TMEM175: variants seen among roughly 807,000 people sequenced by gnomAD.
TMEM175 encodes transmembrane protein 175.
A neutral mutation model predicts 36.5 loss-of-function variants in TMEM175; 36 were observed. The ratio of observed to expected loss-of-function variants is 0.99; its 90% CI spans 0.76 to 1.30. TMEM175 has a LOEUF of 1.30. Among genes scored for constraint, TMEM175 ranks in the 50% most tolerant of loss-of-function variants. The pLI is 0.00. For missense variants in TMEM175, 705 were observed against 692.8 expected (o/e 1.02, Z -0.20); for synonymous variants, 339 against 313.4 (o/e 1.08, Z -0.86).
In TMEM175 at chr4:947,780, CG is replaced by C. The variant is rs1728364872; in HGVS notation, c.46del (p.Asp16ThrfsTer36). The C allele has an allele frequency of 6.2e-7, 1 of 1,612,542 alleles. No individual in the cohort carries two copies. Among genetic ancestry groups the C allele is most frequent in the African/African-American group, 1.3e-5 (1 of 74,918 alleles). On this transcript the variant is annotated frameshift_variant, in exon 2 of 11. Coordinates refer to ENST00000264771, the MANE Select transcript of TMEM175 (RefSeq NM_032326.4). LOFTEE classifies it high-confidence loss of function. ...PRTPEQALDT[P>X]GDCPPGRRDE... is the part of the protein sequence containing the mutation. ...ACCCCAGAGCAGGCACTGGATACAC[CG>C]GGGGACTGCCCCCCAGGCAGGAGAG...
At position 957,860 on chromosome 4, in the gene TMEM175, G is replaced by GA. The variant is rs1271385946; in HGVS notation, c.880dup (p.Arg294LysfsTer79). On this transcript the variant is annotated frameshift_variant, in exon 11 of 11. Transcript: ENST00000264771. LOFTEE classifies it low-confidence loss of function (END_TRUNC). Reference sequence around the variant, plus strand: ...TCCCGGACCCCAAGGATGTGAAGGAGAGGTTCAGCGGCAGCCTCGTGGCCG... The same window carrying GA: ...TCCCGGACCCCAAGGATGTGAAGGAGAAGGTTCAGCGGCAGCCTCGTGGCCG... The GA allele has an allele frequency of 2.5e-6, 4 of 1,612,390 alleles. No individual in the cohort carries two copies. Among genetic ancestry groups the GA allele is most frequent in the Non-Finnish European group, 3.4e-6 (4 of 1,179,706 alleles).
chr4:950,344 CT>C lies in TMEM175; in HGVS notation c.193-76del, dbSNP rs755406240. On this transcript the variant is annotated intron_variant, in intron 3 of 10. Coordinates refer to ENST00000264771, the MANE Select transcript of TMEM175 (RefSeq NM_032326.4). ...TGCCCTGGGCCGAGGCCAGCCCCCC[CT>C]CACGGTGCTGTCTCGACTGCCATTC... 7.8e-4 allele frequency: 968 copies of C among 1,234,186 alleles called. 1 individual carries two copies. The highest frequency in any genetic ancestry group is 1.0e-3 in the Non-Finnish European group (844 of 841,856). The allele number at this position is 1,234,186 out of a possible 1,614,324, so 76.5% of individuals were successfully genotyped here. A position where few individuals can be genotyped will look rare whatever the true frequency, so the allele number is the denominator to read the frequency against.
Position 955,452 on chromosome 4 carries a change from G to C in TMEM175, c.675G>C (p.Lys225Asn). 2.5e-6 allele frequency: 4 copies of C among 1,614,176 alleles called. No homozygotes were observed. Among genetic ancestry groups the C allele is most frequent in the Non-Finnish European group, 3.4e-6 (4 of 1,180,018 alleles). ...VTVILLPYVS[K>N]VTGWCRDRLL... is the part of the protein sequence containing the mutation. ...TCATCCTCCTCCCCTATGTCAGCAAGGTCACCGGCTGGTGCAGAGACAGGC... is the reference window on the plus strand; with the variant it reads ...TCATCCTCCTCCCCTATGTCAGCAACGTCACCGGCTGGTGCAGAGACAGGC... The change falls in exon 9 of 11, where the codon AAG becomes AAC. Residue 225 changes from lysine to asparagine, a missense_variant. Lys to Asn is a moderately conservative substitution (Grantham distance 94). Transcript: ENST00000264771.
Position 953,370 on chromosome 4 carries a change from GC to G in TMEM175, c.627+19del. 2.5e-6 allele frequency: 4 copies of G among 1,587,174 alleles called. No individual in the cohort carries two copies. Among genetic ancestry groups the G allele is most frequent in the Non-Finnish European group, 3.4e-6 (4 of 1,165,026 alleles). On this transcript the variant is annotated intron_variant, in intron 8 of 10. Coordinates refer to ENST00000264771, the MANE Select transcript of TMEM175 (RefSeq NM_032326.4). Reference sequence around the variant, plus strand: ...TGTCCCCTTGGTGAGTGCTGGGACAGCCCGTGGGGCCCAGGCAGGAACGGGG... The same window carrying G: ...TGTCCCCTTGGTGAGTGCTGGGACAGCCGTGGGGCCCAGGCAGGAACGGGG...
chr4:943,206 G>A (rs1362698674), intron 1 of TMEM175, among the ~76,000 whole-genome samples: 1 of 152,086 alleles, frequency 6.6e-6, no homozygotes, highest in Non-Finnish European at 1.5e-5. Context: ...ACCCCTACAC[G>A]AGTACTAGAA....
At chr4:933,113 T>C (rs1029524915) in intron 1 of TMEM175, among the ~76,000 whole-genome samples, 1 of 152,198 alleles carries the variant, frequency 6.6e-6, no homozygotes, top group Admixed American at 6.5e-5. Context: ...CCTTATAGGA[T>C]AATAAGGAAA....
At chr4:949,127 A>C (rs1728553173) in intron 3 of TMEM175, among the ~76,000 whole-genome samples, 1 of 151,972 alleles carries the variant, frequency 6.6e-6, no homozygotes. Flanking sequence ...GGCCAAATGC[A>C]GTCGTGAGGT....
At chr4:935,132 G>A (rs1726648772) in intron 1 of TMEM175, among the ~76,000 whole-genome samples, 1 of 152,208 alleles carries the variant, frequency 6.6e-6, no homozygotes, top group Admixed American at 6.5e-5. Flanking sequence ...ACTTATACTG[G>A]CATGACCTGG....
chr4:955,520 G>A (rs1293736002), intron 9 of TMEM175, 37 bp downstream of exon 9: 4 of 1,591,590 alleles, frequency 2.5e-6, no homozygotes, highest in Non-Finnish European at 3.4e-6. Flanking sequence ...TGAGAGGCCT[G>A]TAGTCCGCCC....
rs187633990 is a variant in TMEM175, at chr4:956,695, C to T, written c.842+805C>T. ...CTGACCTCAGGTGATCTGCCCACCT[C>T]GGCCTCCCAAAGTGCTGGGATTACA... On this transcript the variant is annotated intron_variant, in intron 10 of 10. Transcript: ENST00000264771. 2.8e-3 allele frequency: 972 copies of T among 344,780 alleles called. 6 individuals are homozygous for T. The highest frequency in any genetic ancestry group is 3.0e-3 in the Non-Finnish European group (528 of 178,112). 21.4% of individuals were successfully genotyped at this position (344,780 alleles called of 1,614,324 possible).
In TMEM175 at chr4:953,459, A is replaced by G. The variant is rs900472061; in HGVS notation, c.627+105A>G. 2 of 1,368,622 alleles carry G rather than the reference A, an allele frequency of 1.5e-6. 1 individual carries two copies. The highest frequency in any genetic ancestry group is 4.3e-4 in the Middle Eastern group (2 of 4,636). The allele number at this position is 1,368,622 out of a possible 1,614,324, so 84.8% of individuals were successfully genotyped here. Reference sequence around the variant, plus strand: ...ACGGGGGTGGGGGCAGAGCGCAGACAGGCAGGGGTTCCACCCAGGGTCTTG... The same window carrying G: ...ACGGGGGTGGGGGCAGAGCGCAGACGGGCAGGGGTTCCACCCAGGGTCTTG... On this transcript the variant is annotated intron_variant, in intron 8 of 10. Transcript: ENST00000264771.
chr4:940,294 C>CA (rs1421683416), intron 1 of TMEM175, among the ~76,000 whole-genome samples: 9 of 151,754 alleles, frequency 5.9e-5, no homozygotes, highest in African/African-American at 1.9e-4. Context: ...ACTAAAAATA[C>CA]AAAATTAGCT....
intron 1 of TMEM175, among the ~76,000 whole-genome samples, chr4:943,798 A>G (rs1727808442): frequency 6.6e-6 from 1 of 152,238 alleles, no homozygotes; most frequent in African/African-American, 2.4e-5. Context: ...GGCTTTATTC[A>G]TAATTGTGCA....
Position 932,558 on chromosome 4 carries a change from T to A in TMEM175, c.-32+18T>A. The A allele has an allele frequency of 4.5e-6, 2 of 443,558 alleles. No homozygotes were observed. The highest frequency in any genetic ancestry group is 4.4e-5 in the Admixed American group (1 of 22,554). The allele number at this position is 443,558 out of a possible 1,614,324, so 27.5% of individuals were successfully genotyped here. On this transcript the variant is annotated intron_variant, in intron 1 of 10. Transcript: ENST00000264771. This position sits in a 1 kb window ranked among gnomAD's most constrained non-coding sequence, Gnocchi z 4.0. ...CCGCCCAGGTAGTTCAGCGCCCCAG[T>A]CCAGCTCCCGGTACCGTTCCCCACA...
intron 10 of TMEM175, chr4:956,443 G>GTTTTTTT: frequency 2.5e-6 from 3 of 1,210,882 alleles, no homozygotes; most frequent in Non-Finnish European, 1.1e-6. Flanking sequence ...TTTTTGTGGG[G>GTTTTTTT]TTTTTTTTTT....
At chr4:948,567 C>T in intron 3 of TMEM175, 3 of 1,326,230 alleles carry the variant, frequency 2.3e-6, no homozygotes, top group Non-Finnish European at 3.0e-6. Flanking sequence ...GGCCAGCGCC[C>T]CGTCTCAGCG....
chr4:949,743 G>A (rs1194776810), intron 3 of TMEM175, among the ~76,000 whole-genome samples: 4 of 152,130 alleles, frequency 2.6e-5, no homozygotes, highest in East Asian at 3.9e-4. Flanking sequence ...GTGCCTCCAC[G>A]CCCACCGCGG....
At chr4:956,103 A>AGAG (rs1729594307) in intron 10 of TMEM175, among the ~76,000 whole-genome samples, 12 of 151,058 alleles carry the variant, frequency 7.9e-5, no homozygotes, top group African/African-American at 2.7e-4. Context: ...CTCCCTTCCC[A>AGAG]GCGGCTCCCA....
rs189820203 is a variant in TMEM175, at chr4:939,402, G to A, written c.-32+6862G>A. Among the ~76,000 whole-genome samples, 243 of 152,106 alleles carry A rather than the reference G, an allele frequency of 1.6e-3. 2 individuals are homozygous for A. Among genetic ancestry groups the A allele is most frequent in the Admixed American group, 0.011 (170 of 15,280 alleles). On this transcript the variant is annotated intron_variant, in intron 1 of 10. Transcript: ENST00000264771. ...TCGAGACCAGCCTGACCAACATGGAGAAACCCCATTTCTACTAAAAATACA... is the reference window on the plus strand; with the variant it reads ...TCGAGACCAGCCTGACCAACATGGAAAAACCCCATTTCTACTAAAAATACA...
Sources: allele counts gnomAD v4.1 joint callset (sites outside exome capture counted in the v4.1 genomes callset), GRCh38; gene constraint gnomAD v4.1.1; non-coding constraint Gnocchi (gnomAD v3.1); transcripts MANE v1.5; gene names NCBI Gene and HGNC (gene_info 2026-07-23, HGNC 2026-07-21).